The following NKAIN3 variants were observed in gnomAD, a reference collection of about 807,000 sequenced individuals.
NKAIN3 encodes sodium/potassium-transporting ATPase subunit beta-1-interacting protein 3.
A neutral mutation model predicts 30.2 loss-of-function variants in NKAIN3; 25 were observed. That is an observed-to-expected ratio of 0.83 (90% CI 0.60 to 1.16). The LOEUF is 1.16. Among genes scored for constraint, NKAIN3 ranks in the 50% most tolerant of loss-of-function variants. The pLI, the probability that NKAIN3 is intolerant of heterozygous loss-of-function variation, is 0.00. For synonymous variants in NKAIN3, 91 were observed against 89.6 expected, an observed-to-expected ratio of 1.02 and a Z score of -0.09; for missense variants, 225 against 254.1, an observed-to-expected ratio of 0.89 and a Z score of 0.78.
At chr8:62,529,236 A>G (rs528002011) in intron 1 of NKAIN3, among the ~76,000 whole-genome samples, 21 of 152,160 alleles carry the variant, frequency 1.4e-4, no homozygotes, top group Non-Finnish European at 2.9e-4. Context: ...ATAACTTGAC[A>G]TTTCTTTAAT....
At chr8:62,936,760 G>T (rs918961921) in intron 5 of NKAIN3, among the ~76,000 whole-genome samples, 1 of 151,872 alleles carries the variant, frequency 6.6e-6, no homozygotes, top group African/African-American at 2.4e-5. Flanking sequence ...ATAAAATTCT[G>T]TCCTAATGTC....
intron 4 of NKAIN3, among the ~76,000 whole-genome samples, chr8:62,777,132 C>T (rs985507725): frequency 2.0e-5 from 3 of 152,128 alleles, no homozygotes; most frequent in African/African-American, 7.2e-5. Flanking sequence ...CTTTCTTTAT[C>T]CTCGACTTTT....
intron 3 of NKAIN3, among the ~76,000 whole-genome samples, chr8:62,599,345 G>A (rs1439823590): frequency 1.3e-5 from 2 of 151,964 alleles, no homozygotes; most frequent in African/African-American, 4.8e-5. Context: ...ACTGTGGGTA[G>A]GTAACTAAAA....
intron 1 of NKAIN3, among the ~76,000 whole-genome samples, chr8:62,258,934 T>C (rs1812344542): frequency 6.6e-6 from 1 of 152,148 alleles, no homozygotes; most frequent in Admixed American, 6.5e-5. Flanking sequence ...AGAGTGTATT[T>C]GGCCCAAGGC....
chr8:62,947,622 G>T (rs1823162087), intron 5 of NKAIN3, among the ~76,000 whole-genome samples: 1 of 152,158 alleles, frequency 6.6e-6, no homozygotes, highest in Admixed American at 6.5e-5. Context: ...AATCAAGTTT[G>T]GTGGAAGTGG....
chr8:62,500,071 T>G (rs1585876449), intron 1 of NKAIN3, among the ~76,000 whole-genome samples: 1 of 152,236 alleles, frequency 6.6e-6, no homozygotes, highest in East Asian at 1.9e-4. Context: ...TGAGTACCGC[T>G]TGTCACTGGG....
rs550017227 is a variant in NKAIN3 at position 62,719,001 on chromosome 8, G to A, written c.274-27931G>A. 5.9e-5 allele frequency among the ~76,000 whole-genome samples: 9 copies of A among 152,140 alleles called. No individual in the cohort carries two copies. The East Asian group carries it at 7.7e-4, about 13-fold the overall frequency. On this transcript the variant is annotated intron_variant, in intron 3 of 6. Transcript: ENST00000623646. ...AGCTCTTGAGAGATGTAAAATCAGCGGGCAACACAGGCTACGAAAAGATAA... is the reference window on the plus strand; with the variant it reads ...AGCTCTTGAGAGATGTAAAATCAGCAGGCAACACAGGCTACGAAAAGATAA...
chr8:62,824,812 C>G (rs150180801), intron 4 of NKAIN3, among the ~76,000 whole-genome samples: 45 of 152,288 alleles, frequency 3.0e-4, no homozygotes, highest in South Asian at 8.3e-4. Context: ...TGAGCAACCT[C>G]TGTTGTGAAC....
chr8:62,891,029 G>A (rs1328582640), intron 4 of NKAIN3, among the ~76,000 whole-genome samples: 2 of 152,148 alleles, frequency 1.3e-5, no homozygotes, highest in Admixed American at 6.6e-5. Context: ...GAAGGCCAAT[G>A]GGCAGAGGCA....
chr8:62,792,033 C>T (rs1206884637), intron 4 of NKAIN3, among the ~76,000 whole-genome samples: 2 of 152,130 alleles, frequency 1.3e-5, no homozygotes, highest in East Asian at 1.9e-4. Context: ...GTATCACTAC[C>T]TCTTTAGTTA....
intron 1 of NKAIN3, among the ~76,000 whole-genome samples, chr8:62,319,962 A>G (rs1209692802): frequency 6.6e-6 from 1 of 152,030 alleles, no homozygotes; most frequent in Non-Finnish European, 1.5e-5. Context: ...ATTGTGTGGT[A>G]GTCTAAGTCT....
At chr8:62,938,075 A>T (rs1354341621) in intron 5 of NKAIN3, among the ~76,000 whole-genome samples, 1 of 152,082 alleles carries the variant, frequency 6.6e-6, no homozygotes, top group African/African-American at 2.4e-5. Flanking sequence ...CTGAGCTCAG[A>T]CACGCCTAAC....
intron 4 of NKAIN3, among the ~76,000 whole-genome samples, chr8:62,844,762 C>G (rs1251986155): frequency 6.6e-6 from 1 of 152,084 alleles, no homozygotes; most frequent in Non-Finnish European, 1.5e-5. Flanking sequence ...AGAAAGAATT[C>G]CTGGTCAAAG....
chr8:62,992,982 C>T (rs1048484513), intron 5 of NKAIN3, among the ~76,000 whole-genome samples: 3 of 152,150 alleles, frequency 2.0e-5, no homozygotes, highest in South Asian at 4.1e-4. Context: ...CAAGCAGATT[C>T]AGGGACCCAG....
chr8:62,882,171 T>A (rs1821002101), intron 4 of NKAIN3, among the ~76,000 whole-genome samples: 1 of 152,178 alleles, frequency 6.6e-6, no homozygotes, highest in Non-Finnish European at 1.5e-5. Context: ...ATGCCTCTTT[T>A]GCATATGTTT....
downstream of NKAIN3, among the ~76,000 whole-genome samples, chr8:62,985,509 G>C (rs1419793345): frequency 6.6e-6 from 1 of 152,118 alleles, no homozygotes; most frequent in East Asian, 1.9e-4. Context: ...TCTGAGACAG[G>C]TCATCAAAAC....
chr8:62,653,330 T>C (rs886543365), intron 3 of NKAIN3, among the ~76,000 whole-genome samples: 1 of 152,138 alleles, frequency 6.6e-6, no homozygotes, highest in African/African-American at 2.4e-5. Context: ...CCTCTTCTTA[T>C]TAGGGTACTA....
intron 5 of NKAIN3, among the ~76,000 whole-genome samples, chr8:62,919,768 T>A (rs1201628154): frequency 2.0e-5 from 3 of 152,154 alleles, no homozygotes; most frequent in Non-Finnish European, 4.4e-5. Flanking sequence ...GAGTGGTGCA[T>A]GATATATGAG....
At position 62,973,021 on chromosome 8, in the gene NKAIN3, A is replaced by G. The variant is rs1451543414; in HGVS notation, c.*7614A>G. Reference sequence around the variant, plus strand: ...ACATTAACTCATTTTTTATGGCTGCATAGTATTCCATGGTGTATATGTGCC... The same window carrying G: ...ACATTAACTCATTTTTTATGGCTGCGTAGTATTCCATGGTGTATATGTGCC... On this transcript the variant is annotated 3_prime_UTR_variant, in exon 7 of 7. Transcript: ENST00000623646. Among the ~76,000 whole-genome samples the G allele has an allele frequency of 1.3e-5, 2 of 152,152 alleles. No individual in the cohort carries two copies. Among genetic ancestry groups the G allele is most frequent in the Non-Finnish European group, 2.9e-5 (2 of 68,032 alleles).
Sources: allele counts gnomAD v4.1 joint callset (sites outside exome capture counted in the v4.1 genomes callset), GRCh38; gene constraint gnomAD v4.1.1; transcripts MANE v1.5; gene names NCBI Gene and HGNC (gene_info 2026-07-23, HGNC 2026-07-21).